NEK11: variants seen among roughly 807,000 people sequenced by gnomAD.
The protein encoded by NEK11 is serine/threonine-protein kinase Nek11.
A neutral mutation model predicts 80.7 loss-of-function variants in NEK11; 72 were observed. That is an observed-to-expected ratio of 0.89 (90% CI 0.74 to 1.08). The LOEUF (loss-of-function observed/expected upper bound fraction) is 1.08, where lower values mean the gene tolerates loss of function less well. NEK11 is among the 50% of genes least tolerant of loss of function. NEK11 has a pLI of 0.00. For synonymous variants in NEK11, 251 were observed against 260.7 expected, an observed-to-expected ratio of 0.96 and a Z score of 0.36; for missense variants, 764 against 763.6, an observed-to-expected ratio of 1.00 and a Z score of -0.01.
At chr3:131,162,002 A>G (rs1474496891) in intron 10 of NEK11, among the ~76,000 whole-genome samples, 1 of 152,180 alleles carries the variant, frequency 6.6e-6, no homozygotes, top group Non-Finnish European at 1.5e-5. Context: ...TACTTGCCCA[A>G]GGCCACAGAG....
intron 16 of NEK11, among the ~76,000 whole-genome samples, chr3:131,270,431 G>A (rs1286105345): frequency 6.6e-6 from 1 of 152,170 alleles, no homozygotes; most frequent in African/African-American, 2.4e-5. Flanking sequence ...AAGATCCCTG[G>A]ATGATTTGTA....
chr3:131,251,179 A>T (rs1467803897), intron 16 of NEK11, among the ~76,000 whole-genome samples: 1 of 149,938 alleles, frequency 6.7e-6, no homozygotes, highest in Non-Finnish European at 1.5e-5. Flanking sequence ...AACATGTGCT[A>T]TAGAGAGATA....
intron 14 of NEK11, among the ~76,000 whole-genome samples, chr3:131,175,854 G>A (rs115838196): frequency 0.013 from 2,014 of 152,238 alleles, 41 homozygotes; most frequent in African/African-American, 0.045. Context: ...CTAATGAATG[G>A]CCAAGAACGA....
chr3:131,128,399 G>A (rs560983734), intron 5 of NEK11, among the ~76,000 whole-genome samples: 1 of 152,192 alleles, frequency 6.6e-6, no homozygotes, highest in South Asian at 2.1e-4. Context: ...TCATATAGCT[G>A]GAATCATATA....
chr3:131,270,746 A>T (rs1448684868), intron 16 of NEK11, among the ~76,000 whole-genome samples: 2 of 152,190 alleles, frequency 1.3e-5, no homozygotes, highest in Non-Finnish European at 2.9e-5. Flanking sequence ...CTTTCCTAGC[A>T]GACTGAGTGC....
At chr3:131,056,247 G>C (rs1025269798) in intron 3 of NEK11, among the ~76,000 whole-genome samples, 2 of 152,212 alleles carry the variant, frequency 1.3e-5, no homozygotes, top group African/African-American at 4.8e-5. Flanking sequence ...GGGCGCTATG[G>C]AATTGGAATA....
chr3:131,026,971 C>G lies in NEK11; in HGVS notation c.-205C>G, dbSNP rs1364472930. 6.6e-6 allele frequency: 1 copy of G among 152,330 alleles called. No homozygotes were observed. The highest frequency in any genetic ancestry group is 6.5e-5 in the Admixed American group (1 of 15,294). The allele number at this position is 152,330 out of a possible 1,614,324, so 9.4% of individuals were successfully genotyped here. ...TGCCCGATTACCCGCAAGACTTGGG[C>G]AGCCCCGGGCGCCGCTCCGACCACG... On this transcript the variant is annotated 5_prime_UTR_variant, in exon 1 of 18. Coordinates refer to ENST00000383366, the MANE Select transcript of NEK11 (RefSeq NM_024800.5).
At chr3:131,230,955 A>G (rs945426245) in intron 15 of NEK11, among the ~76,000 whole-genome samples, 7 of 151,938 alleles carry the variant, frequency 4.6e-5, no homozygotes, top group African/African-American at 1.7e-4. Context: ...TTCCTTTTTC[A>G]CTTTGCTCTC....
At chr3:131,052,254 T>G (rs1424663844) in intron 3 of NEK11, among the ~76,000 whole-genome samples, 1 of 151,958 alleles carries the variant, frequency 6.6e-6, no homozygotes, top group Non-Finnish European at 1.5e-5. Flanking sequence ...TTCCATGGTG[T>G]GGTTGTAGTA....
intron 17 of NEK11, among the ~76,000 whole-genome samples, chr3:131,289,635 G>A (rs953401830): frequency 3.3e-5 from 5 of 152,092 alleles, no homozygotes; most frequent in Admixed American, 6.5e-5. Context: ...AGATAAAGAG[G>A]ACAAGCCTTA....
chr3:131,130,697 T>C (rs1220299254), intron 5 of NEK11, among the ~76,000 whole-genome samples: 1 of 152,218 alleles, frequency 6.6e-6, no homozygotes, highest in African/African-American at 2.4e-5. Context: ...ATTCTGTTGA[T>C]GTGATGGATA....
At chr3:131,288,419 C>A (rs553876797) in intron 17 of NEK11, among the ~76,000 whole-genome samples, 1 of 145,552 alleles carries the variant, frequency 6.9e-6, no homozygotes, top group Non-Finnish European at 1.5e-5. Context: ...CCTCTGTCTT[C>A]GAAGATTATA....
chr3:131,232,930 T>C (rs1247965360), intron 15 of NEK11, among the ~76,000 whole-genome samples: 1 of 150,900 alleles, frequency 6.6e-6, no homozygotes, highest in Non-Finnish European at 1.5e-5. Context: ...AAAAGGAAAT[T>C]CCTATCAAGT....
chr3:131,270,867 GA>G (rs1228921305), intron 16 of NEK11, among the ~76,000 whole-genome samples: 2 of 152,166 alleles, frequency 1.3e-5, no homozygotes, highest in Non-Finnish European at 2.9e-5. Context: ...GAAAAGATGG[GA>G]AAGGAGCACC....
At chr3:131,152,948 G>A (rs564452607) in intron 9 of NEK11, among the ~76,000 whole-genome samples, 472 of 152,208 alleles carry the variant, frequency 3.1e-3, no homozygotes, top group Non-Finnish European at 5.1e-3. Flanking sequence ...TTAGCTGGGC[G>A]TGGTGGTGCG....
chr3:131,044,960 T>C (rs377077397), intron 3 of NEK11, among the ~76,000 whole-genome samples: 1 of 152,280 alleles, frequency 6.6e-6, no homozygotes, highest in East Asian at 1.9e-4. Context: ...AACTCAGGAT[T>C]AAGAAACTCA....
intron 17 of NEK11, among the ~76,000 whole-genome samples, chr3:131,338,552 T>C (rs1360809549): frequency 1.3e-5 from 2 of 152,142 alleles, no homozygotes; most frequent in Non-Finnish European, 2.9e-5. Context: ...TGAATACATA[T>C]AGCAACTTTA....
At chr3:131,212,096 G>T (rs934094828) in intron 14 of NEK11, among the ~76,000 whole-genome samples, 2 of 152,164 alleles carry the variant, frequency 1.3e-5, no homozygotes, top group Non-Finnish European at 2.9e-5. Flanking sequence ...CCCCATCTTT[G>T]TGGTTTTATC....
In NEK11 at chr3:131,181,518, G is replaced by A. The variant is rs565038806; in HGVS notation, c.1399+10631G>A. 1.8e-4 allele frequency among the ~76,000 whole-genome samples: 28 copies of A among 152,154 alleles called. 1 individual carries two copies. The South Asian group carries it at 4.4e-3, about 24-fold the overall frequency. ...TCCCAGCACTTTGGGAGGCCAAGGC[G>A]GGCAGATCACAAGGTCAGGAGATGG... On this transcript the variant is annotated intron_variant, in intron 14 of 17. Coordinates refer to ENST00000383366, the MANE Select transcript of NEK11 (RefSeq NM_024800.5).
Sources: allele counts gnomAD v4.1 joint callset (sites outside exome capture counted in the v4.1 genomes callset), GRCh38; gene constraint gnomAD v4.1.1; transcripts MANE v1.5; gene names NCBI Gene and HGNC (gene_info 2026-07-23, HGNC 2026-07-21).